The following TRAPPC10 variants were observed in gnomAD, a reference collection of about 807,000 sequenced individuals.
TRAPPC10 encodes the protein TRAPP 130 kDa subunit.
In TRAPPC10, 23 loss-of-function variants were observed where a neutral mutation model predicts 125.5. The ratio of observed to expected loss-of-function variants is 0.18; its 90% CI spans 0.13 to 0.26. The LOEUF (loss-of-function observed/expected upper bound fraction) is 0.26, where lower values mean the gene tolerates loss of function less well. TRAPPC10 is among the 10% of genes least tolerant of loss of function. The probability of loss-of-function intolerance (pLI) is 1.00; values close to 1 mark genes in which losing one functional copy is unlikely to be tolerated. For missense variants in TRAPPC10, 1,123 were observed against 1,308.4 expected (o/e 0.86, Z 2.19); for synonymous variants, 509 against 518.0 (o/e 0.98, Z 0.24).
intron 1 of TRAPPC10, among the ~76,000 whole-genome samples, chr21:44,025,821 G>GGGGT (rs2032992424): frequency 1.8e-5 from 2 of 109,866 alleles, no homozygotes; most frequent in African/African-American, 6.9e-5. Context: ...AGAGGGCAGG[G>GGGGT]GTGTGTGTGT....
intron 3 of TRAPPC10, among the ~76,000 whole-genome samples, chr21:44,043,622 C>T (rs1420306166): frequency 3.3e-5 from 5 of 152,142 alleles, no homozygotes; most frequent in Non-Finnish European, 7.4e-5. Context: ...CTGAAGATGG[C>T]TGTAGCAGCA....
rs533534123 is a variant in TRAPPC10 at position 44,063,075 on chromosome 21, G to A, written c.791-463G>A. 37 of 1,304,250 alleles carry A rather than the reference G, an allele frequency of 2.8e-5. No homozygotes were observed. In the African/African-American group the frequency reaches 3.0e-4, roughly 11 times the overall value. The allele number at this position is 1,304,250 out of a possible 1,614,324, so 80.8% of individuals were successfully genotyped here. ...CAGGAGCTTGACTCAGGGACGTGAC[G>A]TGGTTGAGTTAGGGAAATAAGGAAG... On this transcript the variant is annotated intron_variant, in intron 6 of 22. Transcript: ENST00000291574. This position sits in a 1 kb window ranked among gnomAD's most constrained non-coding sequence, Gnocchi z 4.4.
At chr21:44,012,628 C>A in intron 1 of TRAPPC10, 68 bp downstream of exon 1, 3 of 1,400,394 alleles carry the variant, frequency 2.1e-6, no homozygotes, top group Non-Finnish European at 2.9e-6. Flanking sequence ...GTTATGCACC[C>A]GGCGCCCCCA....
At chr21:44,039,574 A>G (rs1324517383) in intron 3 of TRAPPC10, among the ~76,000 whole-genome samples, 1 of 152,142 alleles carries the variant, frequency 6.6e-6, no homozygotes, top group East Asian at 1.9e-4. Flanking sequence ...TGCCTTAGAC[A>G]TCAAGAACTG....
intron 1 of TRAPPC10, among the ~76,000 whole-genome samples, chr21:44,014,969 G>A (rs983767732): frequency 6.6e-6 from 1 of 152,120 alleles, no homozygotes; most frequent in African/African-American, 2.4e-5. Flanking sequence ...TTCACTTTAT[G>A]CCTTCATCTT....
chr21:44,021,529 G>A lies in TRAPPC10; in HGVS notation c.67+8969G>A, dbSNP rs565508221. Among the ~76,000 whole-genome samples the A allele has an allele frequency of 8.5e-5, 13 of 152,270 alleles. 1 individual carries two copies. Among genetic ancestry groups the A allele is most frequent in the African/African-American group, 3.1e-4 (13 of 41,558 alleles). ...CCTACAAACCTTTCACCCAACTACA[G>A]CAATTAGGTGAACTGCCCAATCTTG... On this transcript the variant is annotated intron_variant, in intron 1 of 22. Coordinates refer to ENST00000291574, the MANE Select transcript of TRAPPC10 (RefSeq NM_003274.5).
At chr21:44,053,286 CTT>C (rs59158620) in intron 4 of TRAPPC10, among the ~76,000 whole-genome samples, 2,400 of 152,172 alleles carry the variant, frequency 0.016, 62 homozygotes, top group African/African-American at 0.054. Flanking sequence ...TGTTCTGAGA[CTT>C]TTTTTCTTTA....
rs1200011844 is a variant in TRAPPC10 at position 44,032,379 on chromosome 21, CT to C, written c.149+228del. 2.7e-3 allele frequency among the ~76,000 whole-genome samples: 295 copies of C among 108,452 alleles called. 1 individual carries two copies. Among genetic ancestry groups the C allele is most frequent in the African/African-American group, 8.5e-3 (239 of 28,012 alleles). The allele number at this position is 108,452 out of a possible 152,430, so 71.1% of individuals were successfully genotyped here. ...ATTCTTTATGGAATGCCATGGTTTTCTTTTTTTTTTTTTTTTTTTTTGAGAC... is the reference window on the plus strand; with the variant it reads ...ATTCTTTATGGAATGCCATGGTTTTCTTTTTTTTTTTTTTTTTTTTGAGAC... On this transcript the variant is annotated intron_variant, in intron 2 of 22. Transcript: ENST00000291574.
intron 4 of TRAPPC10, among the ~76,000 whole-genome samples, chr21:44,052,801 T>G (rs376889433): frequency 1.2e-4 from 19 of 152,216 alleles, no homozygotes; most frequent in African/African-American, 4.6e-4. Context: ...GGTTTTTGTT[T>G]TTTTTTTGAA....
At chr21:44,058,954 C>T (rs73228905) in intron 5 of TRAPPC10, 149 bp from the exon 6 acceptor site, 45,243 of 560,422 alleles carry the variant, frequency 0.081, 2,124 homozygotes, top group Middle Eastern at 0.13. Flanking sequence ...TTGACATATG[C>T]GGTCGTCACA....
At chr21:44,049,516 A>C (rs1601659860) in intron 3 of TRAPPC10, among the ~76,000 whole-genome samples, 3 of 152,166 alleles carry the variant, frequency 2.0e-5, no homozygotes, top group Admixed American at 2.0e-4. Context: ...CTCGGGACTT[A>C]AATTGAATAA....
In TRAPPC10 at chr21:44,051,370, AGATATT is replaced by A. The variant is rs200405014; in HGVS notation, c.286-908_286-903del. On this transcript the variant is annotated intron_variant, in intron 3 of 22. Transcript: ENST00000291574. ...ATGGTAGCTGTGAGTTACTGTGTCC[AGATATT>A]GTCAGTGCCTAACTTGGAAATGAAT... Among the ~76,000 whole-genome samples, 31 of 152,356 alleles carry A rather than the reference AGATATT, an allele frequency of 2.0e-4. No homozygotes were observed. The East Asian group carries it at 5.6e-3, about 27-fold the overall frequency.
intron 3 of TRAPPC10, among the ~76,000 whole-genome samples, chr21:44,048,941 A>C (rs9982907): frequency 0.087 from 13,229 of 151,852 alleles, 1,322 homozygotes; most frequent in African/African-American, 0.24. Flanking sequence ...ATTAATAATT[A>C]ATATCATTGA....
chr21:44,071,438 A>G (rs1397324118), intron 7 of TRAPPC10, among the ~76,000 whole-genome samples: 1 of 152,202 alleles, frequency 6.6e-6, no homozygotes, highest in East Asian at 1.9e-4. Flanking sequence ...TTTCGTTAAC[A>G]TGTCTGGAAG....
intron 20 of TRAPPC10, 57 bp downstream of exon 20, chr21:44,094,290 G>A: frequency 6.7e-7 from 1 of 1,491,568 alleles, no homozygotes; most frequent in Admixed American, 1.8e-5. Context: ...ATGGCATTAT[G>A]TTCTTTATAA....
chr21:44,086,846 A>G lies in TRAPPC10; in HGVS notation c.2425A>G (p.Thr809Ala). The G allele has an allele frequency of 6.2e-7, 1 of 1,614,130 alleles. No individual in the cohort carries two copies. Among genetic ancestry groups the G allele is most frequent in the South Asian group, 1.1e-5 (1 of 91,084 alleles). ...GIPQRVKFTV[T>A]TGHYTIKNGD... is the part of the protein sequence containing the mutation. Reference sequence around the variant, plus strand: ...TCCTCAGAGAGTCAAGTTCACTGTCACTACCGGCCATTATACGATAAAGAA... The same window carrying G: ...TCCTCAGAGAGTCAAGTTCACTGTCGCTACCGGCCATTATACGATAAAGAA... The change falls in exon 16 of 23, where the codon ACT (threonine) becomes GCT (alanine). Residue 809 changes from threonine to alanine, a missense_variant. By Grantham distance (58) the Thr-to-Ala change is moderately conservative (BLOSUM62 0). Coordinates refer to ENST00000291574, the MANE Select transcript of TRAPPC10 (RefSeq NM_003274.5).
chr21:44,082,128 C>G lies in TRAPPC10; in HGVS notation c.1724-660C>G, dbSNP rs1256864888. Among the ~76,000 whole-genome samples the G allele has an allele frequency of 6.6e-6, 1 of 152,180 alleles. No individual in the cohort carries two copies. The highest frequency in any genetic ancestry group is 1.5e-5 in the Non-Finnish European group (1 of 68,046). On this transcript the variant is annotated intron_variant, in intron 13 of 22. Transcript: ENST00000291574. This position sits in a 1 kb window ranked among gnomAD's most constrained non-coding sequence, Gnocchi z 4.4. ...ATCTATGGCATCAGTCTTGGCAAGT[C>G]CTTTCGTTGATGAATATTTAATAAA...
rs781152658 is a variant in TRAPPC10 at position 44,087,840 on chromosome 21, A to T, written c.2681A>T (p.Glu894Val). Residue 894 changes from glutamate to valine, a missense_variant, in exon 17 of 23, where the codon GAG (glutamate) becomes GTG (valine). By Grantham distance (121) the Glu-to-Val change is moderately radical. Around this residue, in one of 4 missense-constraint regions of TRAPPC10, gnomAD observed 840 missense variants for 902.0 expected, o/e 0.93. Transcript: ENST00000291574. The surrounding 1 kb of genome is among the most constrained non-coding windows in gnomAD (Gnocchi z 4.6). ...SLPSAPALGG[E>V]SDMLGMAEPH... is the part of the protein sequence containing the mutation. ...CCTTCAGCCCCAGCACTCGGAGGGG[A>T]GAGTGACATGCTGGGGATGGCAGAG... 6.2e-7 allele frequency: 1 copy of T among 1,614,146 alleles called. No individual in the cohort carries two copies. Among genetic ancestry groups the T allele is most frequent in the Non-Finnish European group, 8.5e-7 (1 of 1,180,024 alleles).
intron 3 of TRAPPC10, among the ~76,000 whole-genome samples, chr21:44,045,037 C>T (rs149106285): frequency 2.2e-4 from 34 of 152,220 alleles, no homozygotes; most frequent in African/African-American, 6.7e-4. Flanking sequence ...CGGGTTCAAG[C>T]GATTCTCCTG....
Sources: gnomAD v4.1 joint callset for allele counts (sites outside exome capture counted in the v4.1 genomes callset) on GRCh38, gnomAD v4.1.1 for gene constraint, gnomAD v4.1.1 regional missense constraint, Gnocchi (gnomAD v3.1) non-coding constraint, MANE v1.5 for transcripts, NCBI Gene and HGNC (gene_info 2026-07-23, HGNC 2026-07-21) for gene names.